PPP2R5E: variants seen among roughly 807,000 people sequenced by gnomAD.
PPP2R5E encodes protein phosphatase 2 regulatory subunit B'epsilon.
Under a neutral mutation model 65.3 loss-of-function variants are expected in PPP2R5E, and 4 were observed. The observed-to-expected ratio is 0.06, with a 90% CI of 0.03 to 0.14. The LOEUF (loss-of-function observed/expected upper bound fraction) is 0.14, where lower values mean the gene tolerates loss of function less well. PPP2R5E is among the 10% of genes least tolerant of loss of function. The pLI, the probability that PPP2R5E is intolerant of heterozygous loss-of-function variation, is 1.00. For synonymous variants in PPP2R5E, 183 were observed against 187.4 expected (o/e 0.98, Z 0.19); for missense variants, 274 against 556.1 (o/e 0.49, Z 5.10).
chr14:63,531,308 C>T (rs1024024030), intron 2 of PPP2R5E, among the ~76,000 whole-genome samples: 13 of 151,824 alleles, frequency 8.6e-5, no homozygotes, highest in African/African-American at 3.1e-4. Context: ...ACAACAGTCC[C>T]TGGTATATGA....
At chr14:63,404,956 C>T (rs1048987008) in intron 5 of PPP2R5E, among the ~76,000 whole-genome samples, 3 of 152,128 alleles carry the variant, frequency 2.0e-5, no homozygotes, top group African/African-American at 4.8e-5. Flanking sequence ...AATAAACATG[C>T]GGTGGTCCCT....
intron 3 of PPP2R5E, among the ~76,000 whole-genome samples, chr14:63,424,970 C>T (rs1168489150): frequency 6.6e-6 from 1 of 152,122 alleles, no homozygotes; most frequent in African/African-American, 2.4e-5. Context: ...ATCTATTGGA[C>T]TTGGTGGTCC....
chr14:63,464,802 TAC>T (rs1889696931), intron 2 of PPP2R5E, among the ~76,000 whole-genome samples: 2 of 152,076 alleles, frequency 1.3e-5, no homozygotes, highest in Non-Finnish European at 2.9e-5. Flanking sequence ...GTGAGCGGAT[TAC>T]CTGAGGTCAG....
chr14:63,410,677 G>T (rs888163974), intron 5 of PPP2R5E, among the ~76,000 whole-genome samples: 1 of 152,196 alleles, frequency 6.6e-6, no homozygotes, highest in Admixed American at 6.5e-5. Context: ...GAAAAGGACA[G>T]GAGGCCAACT....
chr14:63,484,330 C>A (rs1008204952), intron 2 of PPP2R5E, among the ~76,000 whole-genome samples: 1 of 143,020 alleles, frequency 7.0e-6, no homozygotes. Context: ...CTCTTTCTTT[C>A]TCTTTCTCTC....
chr14:63,429,087 GTTAAGAT>G (rs1430304559), intron 3 of PPP2R5E, among the ~76,000 whole-genome samples: 10 of 152,084 alleles, frequency 6.6e-5, no homozygotes, highest in African/African-American at 2.4e-4. Flanking sequence ...TTATATTTTT[GTTAAGAT>G]TTGAGGCTCT....
chr14:63,421,981 AT>A lies in PPP2R5E; in HGVS notation c.456+11del. 1 of 1,580,242 alleles carries A rather than the reference AT, an allele frequency of 6.3e-7. No individual in the cohort carries two copies. The highest frequency in any genetic ancestry group is 8.7e-7 in the Non-Finnish European group (1 of 1,149,460). On this transcript the variant is annotated intron_variant, in intron 4 of 13. Transcript: ENST00000337537. ...GGAGTTTTCTTTTATAACAAATGGT[AT>A]TTCAAAGTACCTGTAAGTGTGGCCA...
At chr14:63,422,729 TAAAA>T (rs567590182) in intron 3 of PPP2R5E, among the ~76,000 whole-genome samples, 1 of 88,194 alleles carries the variant, frequency 1.1e-5, no homozygotes. Context: ...TCCGTCTATT[TAAAA>T]AAAAAAAAAA....
Position 63,415,179 on chromosome 14 carries a change from G to A in PPP2R5E, c.510C>T (p.Ser170=). The part of the protein sequence containing the change: ...RFLESQEFQP[S]IAKKYIDQKF... Reference sequence around the variant, plus strand: ...TCTGATCTATATATTTTTTGGCAATGCTGGGTTGGAATTCTTGGCTTTCCA... The same window carrying A: ...TCTGATCTATATATTTTTTGGCAATACTGGGTTGGAATTCTTGGCTTTCCA... The change falls in exon 5 of 14, where the codon AGC becomes AGT. Residue 170 remains serine (S), a synonymous_variant. Coordinates refer to ENST00000337537, the MANE Select transcript of PPP2R5E (RefSeq NM_006246.5). 6.2e-7 allele frequency: 1 copy of A among 1,604,454 alleles called. No individual in the cohort carries two copies.
intron 2 of PPP2R5E, among the ~76,000 whole-genome samples, chr14:63,527,924 GAAAA>G (rs397806689): frequency 1.6e-5 from 2 of 123,236 alleles, no homozygotes; most frequent in African/African-American, 5.9e-5. Flanking sequence ...GACAATGTAA[GAAAA>G]AAAAAAAAAA....
chr14:63,498,346 C>T (rs1255624), intron 2 of PPP2R5E, among the ~76,000 whole-genome samples: 49,324 of 152,014 alleles, frequency 0.32, 12,066 homozygotes, highest in African/African-American at 0.69. Context: ...TCTCTGTCCA[C>T]TTCACTAACC....
At chr14:63,475,380 G>C (rs758285411) in intron 2 of PPP2R5E, among the ~76,000 whole-genome samples, 4 of 152,180 alleles carry the variant, frequency 2.6e-5, no homozygotes, top group Non-Finnish European at 4.4e-5. Flanking sequence ...CCATTAGAAG[G>C]GGGTGTCTGG....
At chr14:63,377,308 A>C (rs1025895633) in intron 13 of PPP2R5E, among the ~76,000 whole-genome samples, 3 of 152,178 alleles carry the variant, frequency 2.0e-5, no homozygotes, top group African/African-American at 7.2e-5. Context: ...GCCACAGTAC[A>C]ATTTCTACGC....
intron 3 of PPP2R5E, among the ~76,000 whole-genome samples, chr14:63,440,398 G>A (rs769979531): frequency 6.9e-6 from 1 of 144,742 alleles, no homozygotes; most frequent in Non-Finnish European, 1.5e-5. Flanking sequence ...AGGGAGTGAA[G>A]AAGAAACTGT....
chr14:63,397,495 C>T (rs1353957875), intron 5 of PPP2R5E, among the ~76,000 whole-genome samples: 3 of 94,146 alleles, frequency 3.2e-5, no homozygotes, highest in Admixed American at 1.6e-4. Context: ...GAGCAAGATT[C>T]GGTCTTTAAA....
chr14:63,408,080 A>G lies in PPP2R5E; in HGVS notation c.549+7060T>C, dbSNP rs926589299. On this transcript the variant is annotated intron_variant, in intron 5 of 13. Coordinates refer to ENST00000337537, the MANE Select transcript of PPP2R5E (RefSeq NM_006246.5). The stretch of plus-strand genomic sequence containing the variant: ...ACAGGCTCAAAAATTATACTGTTCT[A>G]TAACAATGCATGTTTCACCTAAAAT... Among the ~76,000 whole-genome samples the G allele has an allele frequency of 5.3e-5, 8 of 152,354 alleles. No homozygotes were observed. The East Asian group carries it at 9.6e-4, about 18-fold the overall frequency.
At chr14:63,540,690 C>T (rs1305820323) in intron 1 of PPP2R5E, among the ~76,000 whole-genome samples, 5 of 150,866 alleles carry the variant, frequency 3.3e-5, no homozygotes, top group Non-Finnish European at 7.4e-5. Context: ...CCATTGCACT[C>T]CAGCCTGGGC....
intron 3 of PPP2R5E, among the ~76,000 whole-genome samples, chr14:63,430,377 G>GCATACATACATACATACATGCATA (rs1887588393): frequency 2.9e-5 from 4 of 136,950 alleles, no homozygotes; most frequent in South Asian, 2.3e-4. Context: ...ATACATGCAT[G>GCATACATACATACATACATGCATA]CATACATACA....
chr14:63,491,762 G>A (rs1007518356), intron 2 of PPP2R5E, among the ~76,000 whole-genome samples: 3 of 152,046 alleles, frequency 2.0e-5, no homozygotes, highest in Non-Finnish European at 4.4e-5. Flanking sequence ...CAGGAGAATC[G>A]CTTAAACCTG....
Sources: gnomAD v4.1 joint callset for allele counts (sites outside exome capture counted in the v4.1 genomes callset) on GRCh38, gnomAD v4.1.1 for gene constraint, MANE v1.5 for transcripts, NCBI Gene and HGNC (gene_info 2026-07-23, HGNC 2026-07-21) for gene names.